Variants in TANC2 observed in about 807,000 individuals in gnomAD.
TANC2 encodes protein TANC2.
Under a neutral mutation model 210.5 loss-of-function variants are expected in TANC2, and 26 were observed. The observed-to-expected ratio is 0.12, with a 90% CI of 0.09 to 0.17. The LOEUF is 0.17. Ranked by LOEUF, TANC2 falls within the 10% of genes least tolerant of loss-of-function variation. The pLI, the probability that TANC2 is intolerant of heterozygous loss-of-function variation, is 1.00. For synonymous variants in TANC2, 931 were observed against 967.1 expected (o/e 0.96, Z 0.69); for missense variants, 2,129 against 2,608.9 (o/e 0.82, Z 4.01).
At chr17:63,367,704 G>T (rs1265281362) in intron 14 of TANC2, among the ~76,000 whole-genome samples, 1 of 152,174 alleles carries the variant, frequency 6.6e-6, no homozygotes, top group Admixed American at 6.5e-5. Flanking sequence ...AAAGGTAATG[G>T]CAGTAACAGA....
At chr17:63,286,895 T>C (rs1189204197) in intron 9 of TANC2, among the ~76,000 whole-genome samples, 1 of 152,160 alleles carries the variant, frequency 6.6e-6, no homozygotes, top group Non-Finnish European at 1.5e-5. Flanking sequence ...AGTGTATTTT[T>C]CACTTCAGCT....
intron 5 of TANC2, among the ~76,000 whole-genome samples, chr17:63,192,689 T>C (rs2041224538): frequency 1.3e-5 from 2 of 152,218 alleles, no homozygotes; most frequent in Admixed American, 1.3e-4. Flanking sequence ...CTCTATTTTC[T>C]CATCTGTAAA....
At chr17:63,259,074 A>G (rs1346286727) in intron 8 of TANC2, among the ~76,000 whole-genome samples, 2 of 152,158 alleles carry the variant, frequency 1.3e-5, no homozygotes, top group Non-Finnish European at 2.9e-5. Context: ...CTTCCTTTCA[A>G]GGTAGCAGGT....
intron 6 of TANC2, among the ~76,000 whole-genome samples, chr17:63,195,019 T>G (rs2041298561): frequency 6.6e-6 from 1 of 152,156 alleles, no homozygotes; most frequent in Non-Finnish European, 1.5e-5. Flanking sequence ...TAATAAATAT[T>G]AGTGAAGAGT....
intron 1 of TANC2, among the ~76,000 whole-genome samples, chr17:62,987,598 G>T (rs1008356046): frequency 6.6e-6 from 1 of 152,168 alleles, no homozygotes; most frequent in Non-Finnish European, 1.5e-5. Context: ...CCCTGCAACA[G>T]GAAGTCTTTC....
intron 11 of TANC2, among the ~76,000 whole-genome samples, chr17:63,322,027 G>T (rs1463738820): frequency 1.3e-5 from 2 of 152,118 alleles, no homozygotes; most frequent in Non-Finnish European, 2.9e-5. Flanking sequence ...ATACACTCCA[G>T]CTCCAAGCCA....
chr17:63,161,048 A>G (rs1228547750), intron 5 of TANC2, among the ~76,000 whole-genome samples: 2 of 152,210 alleles, frequency 1.3e-5, no homozygotes, highest in Non-Finnish European at 2.9e-5. Flanking sequence ...TGCCAAACGA[A>G]AAAGGATGGA....
chr17:63,303,058 G>C (rs1338420759), intron 9 of TANC2, among the ~76,000 whole-genome samples: 1 of 152,068 alleles, frequency 6.6e-6, no homozygotes, highest in Non-Finnish European at 1.5e-5. Context: ...CACTGTGCCC[G>C]GTCATCTGTG....
At chr17:63,322,515 T>C (rs1272581033) in intron 11 of TANC2, among the ~76,000 whole-genome samples, 1 of 152,156 alleles carries the variant, frequency 6.6e-6, no homozygotes, top group Non-Finnish European at 1.5e-5. Context: ...AAGAACAGAC[T>C]AATATCTATC....
intron 19 of TANC2, among the ~76,000 whole-genome samples, chr17:63,400,201 C>T (rs531333955): frequency 5.9e-5 from 9 of 152,322 alleles, no homozygotes; most frequent in Admixed American, 4.6e-4. Flanking sequence ...AAGGGCATGG[C>T]GGTGTAACCA....
chr17:62,991,818 G>T (rs952453167), intron 1 of TANC2, among the ~76,000 whole-genome samples: 15 of 152,036 alleles, frequency 9.9e-5, no homozygotes, highest in African/African-American at 3.1e-4. Context: ...AAGACCAGAG[G>T]AGACTGACTA....
chr17:63,157,711 A>G (rs890537516), intron 5 of TANC2, among the ~76,000 whole-genome samples: 13 of 152,074 alleles, frequency 8.5e-5, no homozygotes, highest in South Asian at 2.1e-4. Flanking sequence ...AAATATAAAC[A>G]TACATAAATA....
intron 5 of TANC2, among the ~76,000 whole-genome samples, chr17:63,193,522 C>T (rs891053509): frequency 2.0e-5 from 3 of 152,114 alleles, no homozygotes; most frequent in African/African-American, 7.2e-5. Context: ...TTTTGTGATG[C>T]TGTTGTTTTG....
chr17:63,349,939 G>T (rs1363735640), intron 12 of TANC2, among the ~76,000 whole-genome samples: 1 of 152,138 alleles, frequency 6.6e-6, no homozygotes, highest in Non-Finnish European at 1.5e-5. Flanking sequence ...AGTAGTGATT[G>T]TTAATAGAGC....
intron 14 of TANC2, among the ~76,000 whole-genome samples, chr17:63,365,669 C>A (rs1377210097): frequency 2.0e-5 from 3 of 152,072 alleles, no homozygotes; most frequent in Non-Finnish European, 4.4e-5. Context: ...AATTTTCTGC[C>A]AGTTTTTAGA....
chr17:63,190,206 A>G (rs2440142), intron 5 of TANC2, among the ~76,000 whole-genome samples: 90,915 of 151,876 alleles, frequency 0.6, 29,694 homozygotes, highest in African/African-American at 0.86. Context: ...CAGGCATGGC[A>G]GTGCATACCT....
chr17:63,370,750 C>T (rs767480729), intron 14 of TANC2, among the ~76,000 whole-genome samples: 6 of 152,132 alleles, frequency 3.9e-5, no homozygotes, highest in East Asian at 1.9e-4. Context: ...TGCTTCCCAG[C>T]GTAATTGTTG....
intron 14 of TANC2, among the ~76,000 whole-genome samples, chr17:63,362,097 T>G (rs993473383): frequency 1.3e-5 from 2 of 152,138 alleles, no homozygotes; most frequent in Non-Finnish European, 1.5e-5. Context: ...AGGCAGGATG[T>G]CCCAACAAGT....
intron 6 of TANC2, among the ~76,000 whole-genome samples, chr17:63,195,214 G>A (rs2041305577): frequency 6.6e-6 from 1 of 152,102 alleles, no homozygotes. Context: ...CTCTAGCCCT[G>A]CCTTTTCCCC....
Sources: gnomAD v4.1 joint callset for allele counts (sites outside exome capture counted in the v4.1 genomes callset) on GRCh38, gnomAD v4.1.1 for gene constraint, MANE v1.5 for transcripts, NCBI Gene and HGNC (gene_info 2026-07-23, HGNC 2026-07-21) for gene names.